Variants in SAP30BP observed in about 807,000 individuals in gnomAD.
SAP30BP encodes SAP30 binding protein.
Under a neutral mutation model 46.3 loss-of-function variants are expected in SAP30BP, and 31 were observed. The ratio of observed to expected loss-of-function variants is 0.67; its 90% CI spans 0.50 to 0.90. The LOEUF is 0.90. SAP30BP is among the 40% of genes least tolerant of loss of function. SAP30BP has a pLI of 0.00. For missense variants in SAP30BP, 312 were observed against 391.0 expected, an observed-to-expected ratio of 0.80 and a Z score of 1.70; for synonymous variants, 169 against 144.2, an observed-to-expected ratio of 1.17 and a Z score of -1.23.
At position 75,693,461 on chromosome 17, in the gene SAP30BP, C is replaced by G. The variant is rs770714653; in HGVS notation, c.286C>G (p.Arg96Gly). The G allele has an allele frequency of 6.2e-7, 1 of 1,613,984 alleles. No individual in the cohort carries two copies. The highest frequency in any genetic ancestry group is 1.7e-4 in the Middle Eastern group (1 of 6,056). Residue 96 changes from arginine to glycine, a missense_variant, in exon 4 of 11, where the codon CGA becomes GGA. Transcript: ENST00000584667. ...DPKDNTEAEK[R>G]DPQELVASFS... ...GCAGGATAATACAGAAGCAGAAAAG[C>G]GAGACCCCCAGGAACTCGTGGGTGA...
chr17:75,674,953 T>C (rs75814518), intron 3 of SAP30BP, among the ~76,000 whole-genome samples: 1 of 152,038 alleles, frequency 6.6e-6, no homozygotes, highest in Non-Finnish European at 1.5e-5. Context: ...TCTGCCCACA[T>C]TGGCTTCCCA....
intron 3 of SAP30BP, among the ~76,000 whole-genome samples, chr17:75,677,722 A>G (rs2060013874): frequency 6.8e-6 from 1 of 146,030 alleles, no homozygotes; most frequent in Non-Finnish European, 1.5e-5. Flanking sequence ...CTGGGATTAC[A>G]GGCATGGGAA....
intron 3 of SAP30BP, among the ~76,000 whole-genome samples, chr17:75,690,075 A>G (rs535312622): frequency 6.6e-6 from 1 of 152,346 alleles, no homozygotes; most frequent in East Asian, 1.9e-4. Context: ...ACACAATAAT[A>G]TATCCATGTA....
chr17:75,702,423 G>T, intron 5 of SAP30BP, 57 bp from the exon 6 acceptor site: 1 of 705,466 alleles, frequency 1.4e-6, no homozygotes, highest in South Asian at 1.8e-5. Context: ...GGGCTGGGAC[G>T]GTGGAGGGGT....
At chr17:75,702,628 T>A in intron 6 of SAP30BP, 57 bp downstream of exon 6, 2 of 819,552 alleles carry the variant, frequency 2.4e-6, no homozygotes, top group Non-Finnish European at 4.1e-6. Context: ...GACTAAGGAC[T>A]AAGACGTCCC....
rs149204620 is a variant in SAP30BP, at chr17:75,700,977, TCTC to T, written c.396+1110_396+1112del. 7.4e-3 allele frequency among the ~76,000 whole-genome samples: 1,124 copies of T among 152,178 alleles called. 9 individuals are homozygous for T. The highest frequency in any genetic ancestry group is 0.026 in the African/African-American group (1,075 of 41,506). On this transcript the variant is annotated intron_variant, in intron 5 of 10. Coordinates refer to ENST00000584667, the MANE Select transcript of SAP30BP (RefSeq NM_013260.8). The stretch of plus-strand genomic sequence containing the variant: ...GCCAAGTCATCTGTATGACATGGGT[TCTC>T]CTCAAGTTGCCAAGCCTTCTGTATA...
intron 3 of SAP30BP, among the ~76,000 whole-genome samples, chr17:75,690,064 T>C (rs945411368): frequency 6.6e-6 from 1 of 152,196 alleles, no homozygotes; most frequent in South Asian, 2.1e-4. Context: ...TACTTATCAT[T>C]ACACAATAAT....
chr17:75,704,989 G>A (rs1282113125), intron 9 of SAP30BP, 175 bp downstream of exon 9: 2 of 600,420 alleles, frequency 3.3e-6, no homozygotes, highest in Middle Eastern at 3.9e-4. Flanking sequence ...TGGGTTCACG[G>A]CGCTCGTCTG....
chr17:75,683,247 A>G (rs1419248526), intron 3 of SAP30BP, among the ~76,000 whole-genome samples: 1 of 151,430 alleles, frequency 6.6e-6, no homozygotes, highest in Non-Finnish European at 1.5e-5. Flanking sequence ...GGATTTCACC[A>G]TGTTGGCCAA....
At chr17:75,697,739 C>T (rs1220709977) in intron 4 of SAP30BP, among the ~76,000 whole-genome samples, 2 of 152,230 alleles carry the variant, frequency 1.3e-5, no homozygotes, top group Non-Finnish European at 2.9e-5. Context: ...TCGGCATAGG[C>T]TTATCCTGCA....
At chr17:75,667,747 C>T (rs993821710) in intron 1 of SAP30BP, among the ~76,000 whole-genome samples, 1 of 152,194 alleles carries the variant, frequency 6.6e-6, no homozygotes, top group African/African-American at 2.4e-5. Flanking sequence ...GAAGAGGGAG[C>T]GGCTGCTCAG....
chr17:75,687,801 T>G (rs149310788), intron 3 of SAP30BP, among the ~76,000 whole-genome samples: 282 of 152,284 alleles, frequency 1.9e-3, no homozygotes, highest in African/African-American at 6.6e-3. Context: ...TTCTAGTGAA[T>G]CTACACATGA....
intron 3 of SAP30BP, among the ~76,000 whole-genome samples, chr17:75,675,042 C>T (rs1200562234): frequency 1.3e-5 from 2 of 152,100 alleles, no homozygotes; most frequent in Non-Finnish European, 2.9e-5. Context: ...GAATATGTTA[C>T]AAGTGTGGAT....
intron 2 of SAP30BP, among the ~76,000 whole-genome samples, chr17:75,669,729 T>C (rs148661479): frequency 2.6e-5 from 4 of 152,306 alleles, no homozygotes; most frequent in Non-Finnish European, 5.9e-5. Context: ...TGGCACTTTT[T>C]ATAATGGTGC....
chr17:75,675,938 A>G (rs772675545), intron 3 of SAP30BP, among the ~76,000 whole-genome samples: 1 of 152,218 alleles, frequency 6.6e-6, no homozygotes, highest in Non-Finnish European at 1.5e-5. Context: ...CCTATTACAT[A>G]TTAACATAAA....
intron 3 of SAP30BP, among the ~76,000 whole-genome samples, chr17:75,682,612 A>G (rs2060094594): frequency 2.0e-5 from 3 of 152,180 alleles, no homozygotes; most frequent in Non-Finnish European, 1.5e-5. Flanking sequence ...GCTGTACTGT[A>G]TAATTATAAT....
At chr17:75,683,310 G>A (rs2060112184) in intron 3 of SAP30BP, among the ~76,000 whole-genome samples, 1 of 151,648 alleles carries the variant, frequency 6.6e-6, no homozygotes, top group East Asian at 1.9e-4. Flanking sequence ...GCCTCCCAAA[G>A]TGCTGGGATT....
chr17:75,682,779 T>G (rs62090774), intron 3 of SAP30BP, among the ~76,000 whole-genome samples: 3 of 141,450 alleles, frequency 2.1e-5, no homozygotes, highest in Non-Finnish European at 3.0e-5. Context: ...CTGGCCAACA[T>G]AGTGAAACCC....
At chr17:75,680,221 A>C (rs1224741040) in intron 3 of SAP30BP, among the ~76,000 whole-genome samples, 1 of 152,118 alleles carries the variant, frequency 6.6e-6, no homozygotes, top group Non-Finnish European at 1.5e-5. Flanking sequence ...AGGAGTGTAC[A>C]TCTGTGAAAA....
Sources: allele counts gnomAD v4.1 joint callset (sites outside exome capture counted in the v4.1 genomes callset), GRCh38; gene constraint gnomAD v4.1.1; transcripts MANE v1.5; gene names NCBI Gene and HGNC (gene_info 2026-07-23, HGNC 2026-07-21).